The following CACNA1D variants were observed in gnomAD, a reference collection of about 807,000 sequenced individuals.
CACNA1D encodes calcium voltage-gated channel subunit alpha1 D.
In CACNA1D, 55 loss-of-function variants were observed where a neutral mutation model predicts 257.1. The ratio of observed to expected loss-of-function variants is 0.21; its 90% CI spans 0.17 to 0.27. CACNA1D has a LOEUF of 0.27. CACNA1D is among the 10% of genes least tolerant of loss of function. The probability of loss-of-function intolerance (pLI) is 1.00; values close to 1 mark genes in which losing one functional copy is unlikely to be tolerated. For missense variants in CACNA1D, 1,876 were observed against 2,784.0 expected (o/e 0.67, Z 7.34); for synonymous variants, 980 against 1,014.9 (o/e 0.97, Z 0.65).
chr3:53,804,038 T>C (rs1428243629), intron 44 of CACNA1D, among the ~76,000 whole-genome samples: 2 of 152,096 alleles, frequency 1.3e-5, no homozygotes, highest in African/African-American at 4.8e-5. Flanking sequence ...GATGAAGAAA[T>C]GAGGGGTCAC....
intron 30 of CACNA1D, among the ~76,000 whole-genome samples, chr3:53,768,220 T>C (rs2095346112): frequency 6.6e-6 from 1 of 152,190 alleles, no homozygotes; most frequent in Non-Finnish European, 1.5e-5. Flanking sequence ...AGGAGTGTCT[T>C]CCCTGACCAA....
intron 3 of CACNA1D, among the ~76,000 whole-genome samples, chr3:53,543,427 G>T (rs967856064): frequency 6.6e-6 from 1 of 152,104 alleles, no homozygotes; most frequent in Non-Finnish European, 1.5e-5. Context: ...CTCCAAATGT[G>T]CAGGATTCAG....
At chr3:53,521,859 G>T (rs1422117298) in intron 3 of CACNA1D, among the ~76,000 whole-genome samples, 1 of 151,646 alleles carries the variant, frequency 6.6e-6, no homozygotes. Flanking sequence ...TAAGCATTGT[G>T]ACTTATGCCC....
chr3:53,776,218 C>T (rs1027292861), intron 35 of CACNA1D, among the ~76,000 whole-genome samples, 173 bp downstream of exon 35: 6 of 152,308 alleles, frequency 3.9e-5, no homozygotes, highest in African/African-American at 9.6e-5. Flanking sequence ...GTGTCACTGC[C>T]GCCACCTTTG....
intron 9 of CACNA1D, among the ~76,000 whole-genome samples, chr3:53,715,439 G>C (rs920187556): frequency 6.6e-6 from 1 of 152,098 alleles, no homozygotes; most frequent in African/African-American, 2.4e-5. Context: ...CAGAGGTATG[G>C]AAGATGGCTC....
At position 53,762,787 on chromosome 3, in the gene CACNA1D, A is replaced by G. The variant is rs557871075; in HGVS notation, c.3870+706A>G. On this transcript the variant is annotated intron_variant, in intron 30 of 47. Transcript: ENST00000350061. ...CTAAGGATAATTTGTAGTTTCCTCT[A>G]TCTCACCCCATCTCTATCTCCTTCC... is the stretch of plus-strand genomic sequence containing the variant. Among the ~76,000 whole-genome samples the G allele has an allele frequency of 1.3e-5, 2 of 152,238 alleles. 1 individual carries two copies. Among genetic ancestry groups the G allele is most frequent in the South Asian group, 4.1e-4 (2 of 4,834 alleles).
intron 3 of CACNA1D, among the ~76,000 whole-genome samples, chr3:53,637,272 A>C (rs1335586955): frequency 6.6e-6 from 1 of 152,180 alleles, no homozygotes; most frequent in Non-Finnish European, 1.5e-5. Context: ...GGGGCCTGTA[A>C]TGTTCATACC....
rs867888663 is a variant in CACNA1D, at chr3:53,693,466, T to A, written c.1221-9175T>A. Among the ~76,000 whole-genome samples, 70 of 152,088 alleles carry A rather than the reference T, an allele frequency of 4.6e-4. 1 individual carries two copies. Among genetic ancestry groups the A allele is most frequent in the African/African-American group, 9.4e-4 (39 of 41,498 alleles). ...AAACATCACACATTGCTGTTATTTT[T>A]TTTTTTTTTTTTTACAAAATTCCTA... On this transcript the variant is annotated intron_variant, in intron 8 of 47. Coordinates refer to ENST00000350061, the MANE Select transcript of CACNA1D (RefSeq NM_001128840.3).
intron 8 of CACNA1D, among the ~76,000 whole-genome samples, chr3:53,690,062 G>A (rs964748090): frequency 1.3e-5 from 2 of 152,138 alleles, no homozygotes; most frequent in Non-Finnish European, 2.9e-5. Context: ...GTTTACAGAT[G>A]AGGAAATCAA....
chr3:53,760,537 C>G (rs994795599), intron 29 of CACNA1D, among the ~76,000 whole-genome samples: 2 of 152,182 alleles, frequency 1.3e-5, no homozygotes, highest in East Asian at 1.9e-4. Flanking sequence ...ATAGACAGAG[C>G]TGTTGATCTT....
chr3:53,726,013 A>G (rs923444755), intron 14 of CACNA1D, among the ~76,000 whole-genome samples: 1 of 152,160 alleles, frequency 6.6e-6, no homozygotes, highest in Non-Finnish European at 1.5e-5. Context: ...GACATTTAGA[A>G]TTTCCTGCTT....
chr3:53,724,895 T>C (rs1479744018), intron 14 of CACNA1D, among the ~76,000 whole-genome samples: 1 of 152,202 alleles, frequency 6.6e-6, no homozygotes, highest in East Asian at 1.9e-4. Flanking sequence ...TTTTCAGGTA[T>C]ATATAATCTG....
intron 8 of CACNA1D, among the ~76,000 whole-genome samples, chr3:53,696,370 C>T (rs34723699): frequency 0.062 from 9,441 of 152,272 alleles, 331 homozygotes; most frequent in Non-Finnish European, 0.071. Context: ...AGGGTAGATT[C>T]AGCAGCTGCA....
intron 8 of CACNA1D, among the ~76,000 whole-genome samples, chr3:53,693,929 A>T: frequency 6.6e-6 from 1 of 152,360 alleles, no homozygotes; most frequent in Middle Eastern, 3.4e-3. Flanking sequence ...AACACAAGAA[A>T]AAAAAATCCT....
chr3:53,714,992 C>A (rs931045942), intron 9 of CACNA1D, among the ~76,000 whole-genome samples: 1 of 152,048 alleles, frequency 6.6e-6, no homozygotes, highest in East Asian at 1.9e-4. Flanking sequence ...TAAATGAGGT[C>A]TTTGTTATAC....
chr3:53,808,605 A>G (rs1388963081), intron 45 of CACNA1D, 44 bp from the exon 46 acceptor site: 9 of 1,602,158 alleles, frequency 5.6e-6, no homozygotes, highest in Non-Finnish European at 7.6e-6. Context: ...GTGTCCCGGC[A>G]GAGAACTTGC....
intron 3 of CACNA1D, among the ~76,000 whole-genome samples, chr3:53,645,831 C>T (rs1207112486): frequency 1.3e-5 from 2 of 151,986 alleles, no homozygotes; most frequent in Non-Finnish European, 2.9e-5. Flanking sequence ...AGAGTGTAGT[C>T]TGATGAGAAA....
chr3:53,696,840 T>A (rs2094577436), intron 8 of CACNA1D, among the ~76,000 whole-genome samples: 1 of 152,134 alleles, frequency 6.6e-6, no homozygotes, highest in Non-Finnish European at 1.5e-5. Flanking sequence ...TGGAAGGCCT[T>A]GAGTGGCAGG....
intron 20 of CACNA1D, among the ~76,000 whole-genome samples, chr3:53,737,515 G>GACTGT (rs2095070360): frequency 1.3e-5 from 2 of 152,112 alleles, no homozygotes; most frequent in Admixed American, 1.3e-4. Flanking sequence ...TATGGATACT[G>GACTGT]ACTGTACTAA....
Sources: allele counts gnomAD v4.1 joint callset (sites outside exome capture counted in the v4.1 genomes callset), GRCh38; gene constraint gnomAD v4.1.1; transcripts MANE v1.5; gene names NCBI Gene and HGNC (gene_info 2026-07-23, HGNC 2026-07-21).